Variants in NPY2R observed in about 807,000 individuals in gnomAD.
NPY2R encodes neuropeptide Y receptor type 2.
A neutral mutation model predicts 22.3 loss-of-function variants in NPY2R; 17 were observed. The observed-to-expected ratio is 0.76, with a 90% CI of 0.52 to 1.14. The LOEUF (loss-of-function observed/expected upper bound fraction) is 1.14. Ranked by LOEUF, NPY2R falls within the 50% of genes most tolerant of loss-of-function variation. NPY2R has a pLI of 0.00. For synonymous variants in NPY2R, 209 were observed against 183.4 expected (o/e 1.14, Z -1.13); for missense variants, 424 against 467.9 (o/e 0.91, Z 0.87).
At position 155,214,354 on chromosome 4, in the gene NPY2R, A is replaced by G. The variant is rs1180136869; in HGVS notation, c.415A>G (p.Ile139Val). The change falls in exon 2 of 2, where the codon ATC becomes GTC. Residue 139 changes from isoleucine to valine, a missense_variant. Ile to Val is a conservative substitution (Grantham distance 29). Transcript: ENST00000329476. ...AQGLAVQVST[I>V]TLTVIALDRH... ...GGGCCTGGCAGTACAAGTATCCACA[A>G]TCACCTTGACAGTAATTGCCCTGGA... The G allele has an allele frequency of 1.2e-6, 2 of 1,614,138 alleles. No individual in the cohort carries two copies. Among genetic ancestry groups the G allele is most frequent in the Admixed American group, 1.7e-5 (1 of 60,018 alleles).
the NPY2R span, among the ~76,000 whole-genome samples, chr4:155,192,039 T>G: frequency 2.6e-5 from 4 of 151,932 alleles, no homozygotes; most frequent in African/African-American, 9.7e-5. Context: ...TGGCGATACT[T>G]TCATCTTATC....
the NPY2R span, among the ~76,000 whole-genome samples, chr4:155,196,562 G>A: frequency 6.6e-6 from 1 of 151,810 alleles, no homozygotes; most frequent in East Asian, 1.9e-4. Context: ...GTCTTTTTGT[G>A]GATAGGATTT....
At chr4:155,193,674 G>A in the NPY2R span, among the ~76,000 whole-genome samples, 2 of 151,870 alleles carry the variant, frequency 1.3e-5, no homozygotes, top group African/African-American at 4.8e-5. Context: ...GACATTAAGA[G>A]GGATGAATAG....
At chr4:155,185,045 T>TATATATA in the NPY2R span, among the ~76,000 whole-genome samples, 2 of 54,416 alleles carry the variant, frequency 3.7e-5, no homozygotes, top group South Asian at 3.9e-4. Context: ...TATATATATA[T>TATATATA]TTTTTTTTTC....
chr4:155,214,008 G>A lies in NPY2R; in HGVS notation c.69G>A (p.Gly23=), dbSNP rs766030801. The A allele has an allele frequency of 9.3e-6, 15 of 1,613,936 alleles. No individual in the cohort carries two copies. The highest frequency in any genetic ancestry group is 1.3e-5 in the African/African-American group (1 of 74,900). The part of the protein sequence containing the change: ...TVEEMKVEQY[G]PQTTPRGELV... ...AAGAAATGAAGGTGGAACAATACGG[G>A]CCACAAACAACTCCTAGAGGTGAAC... Residue 23 remains glycine, a synonymous_variant, in exon 2 of 2, where the codon GGG becomes GGA. Coordinates refer to ENST00000329476, the MANE Select transcript of NPY2R (RefSeq NM_000910.4).
chr4:155,184,221 C>T, the NPY2R span, among the ~76,000 whole-genome samples: 1 of 17,818 alleles, frequency 5.6e-5, no homozygotes, highest in East Asian at 0.056. Flanking sequence ...CACCTCTAGC[C>T]TCAAACAATT....
chr4:155,189,866 C>G, the NPY2R span, among the ~76,000 whole-genome samples: 80 of 152,050 alleles, frequency 5.3e-4, no homozygotes, highest in Admixed American at 4.7e-3. Context: ...CTTCTGAGAG[C>G]ATGTTACAAT....
the NPY2R span, among the ~76,000 whole-genome samples, chr4:155,182,601 C>T: frequency 2.9e-4 from 44 of 152,222 alleles, no homozygotes; most frequent in East Asian, 7.9e-3. Flanking sequence ...AGGAGAATCA[C>T]AATGAAGTTC....
chr4:155,214,242 T>A lies in NPY2R; in HGVS notation c.303T>A (p.Thr101=), dbSNP rs1190785674. 1.2e-6 allele frequency: 2 copies of A among 1,613,948 alleles called. No individual in the cohort carries two copies. Among genetic ancestry groups the A allele is most frequent in the Non-Finnish European group, 1.7e-6 (2 of 1,179,806 alleles). The stretch of plus-strand genomic sequence containing the variant: ...CTGTGGCAGATCTTTTGGTGAACAC[T>A]CTGTGTCTACCGTTCACTCTTACCT... ...NLAVADLLVN[T]LCLPFTLTYT... The change falls in exon 2 of 2, where the codon ACT becomes ACA. Residue 101 remains threonine (T), a synonymous_variant. Coordinates refer to ENST00000329476, the MANE Select transcript of NPY2R (RefSeq NM_000910.4).
the NPY2R span, among the ~76,000 whole-genome samples, chr4:155,179,146 G>A: frequency 6.6e-6 from 1 of 151,936 alleles, no homozygotes; most frequent in Non-Finnish European, 1.5e-5. Flanking sequence ...GAACATTAAT[G>A]TTTCCAATGA....
the NPY2R span, among the ~76,000 whole-genome samples, chr4:155,196,461 G>A: frequency 4.0e-5 from 6 of 151,842 alleles, no homozygotes; most frequent in Admixed American, 6.6e-5. Flanking sequence ...TGGGCTCAAC[G>A]GGACTGAAAT....
At chr4:155,177,763 A>T in the NPY2R span, among the ~76,000 whole-genome samples, 1 of 152,082 alleles carries the variant, frequency 6.6e-6, no homozygotes, top group Admixed American at 6.6e-5. Context: ...CCATAGAGTT[A>T]GCACCACATG....
At chr4:155,181,559 C>A in the NPY2R span, among the ~76,000 whole-genome samples, 10 of 151,970 alleles carry the variant, frequency 6.6e-5, no homozygotes, top group African/African-American at 2.2e-4. Flanking sequence ...GAGGAGGAGA[C>A]TTTGGGAGAA....
At chr4:155,185,818 A>G in the NPY2R span, among the ~76,000 whole-genome samples, 1 of 152,140 alleles carries the variant, frequency 6.6e-6, no homozygotes, top group African/African-American at 2.4e-5. Flanking sequence ...AGTGTGTATT[A>G]TAGTTTTTTA....
the NPY2R span, among the ~76,000 whole-genome samples, chr4:155,185,798 C>T: frequency 6.6e-6 from 1 of 151,578 alleles, no homozygotes; most frequent in East Asian, 1.9e-4. Flanking sequence ...AACTGCCTAT[C>T]TATTTAATCA....
chr4:155,209,666 C>T (rs1362653468), intron 1 of NPY2R, among the ~76,000 whole-genome samples: 1 of 152,120 alleles, frequency 6.6e-6, no homozygotes, highest in African/African-American at 2.4e-5. Flanking sequence ...ATGTAGCATT[C>T]TTGAAACTTC....
At position 155,215,036 on chromosome 4, in the gene NPY2R, G is replaced by A. The variant is rs1729487126; in HGVS notation, c.1097G>A (p.Arg366Lys). Residue 366 changes from arginine (R) to lysine (K), a missense_variant, in exon 2 of 2, where the codon AGA (arginine) becomes AAA (lysine). By Grantham distance (26) the Arg-to-Lys change is conservative (BLOSUM62 2). Transcript: ENST00000329476. ...TFKAKKNLEV[R>K]KNSGPNDSFT... ...AAGGCTAAAAAGAACCTGGAGGTCAGAAAGAACAGTGGCCCCAATGACTCT... is the reference window on the plus strand; with the variant it reads ...AAGGCTAAAAAGAACCTGGAGGTCAAAAAGAACAGTGGCCCCAATGACTCT... The A allele has an allele frequency of 1.2e-6, 2 of 1,613,870 alleles. No homozygotes were observed. Among genetic ancestry groups the A allele is most frequent in the East Asian group, 4.5e-5 (2 of 44,882 alleles).
At chr4:155,199,971 ACAACAAAAGCAACTG>A in the NPY2R span, among the ~76,000 whole-genome samples, 1 of 152,192 alleles carries the variant, frequency 6.6e-6, no homozygotes, top group Non-Finnish European at 1.5e-5. Flanking sequence ...CCTGACGACA[ACAACAAAAGCAACTG>A]CAACAAAAGC....
chr4:155,207,818 GGAGA>G (rs10687269), upstream of NPY2R: 74,630 of 151,086 alleles, frequency 0.49, 19,922 homozygotes, highest in African/African-American at 0.72. Context: ...TCAGCTATCT[GGAGA>G]GAGAGAGAGA....
Sources: gnomAD v4.1 joint callset for allele counts (sites outside exome capture counted in the v4.1 genomes callset) on GRCh38, gnomAD v4.1.1 for gene constraint, MANE v1.5 for transcripts, NCBI Gene and HGNC (gene_info 2026-07-23, HGNC 2026-07-21) for gene names.